The following CFAP97D2 variants were observed in gnomAD, a reference collection of about 807,000 sequenced individuals.
CFAP97D2 encodes CFAP97 domain containing 2, also known as uncharacterized protein CFAP97D2.
rs146357513 is a variant in CFAP97D2, at chr13:114,211,685, G to T, written c.291-227G>T. Among the ~76,000 whole-genome samples the T allele has an allele frequency of 6.6e-6, 1 of 152,182 alleles. No homozygotes were observed. The highest frequency in any genetic ancestry group is 1.5e-5 in the Non-Finnish European group (1 of 68,038). ...TCACCCTGAAAACGCCCCTCCCGCC[G>T]TGCAAAGCGAGCGCGCCGGGGCTGA... On this transcript the variant is annotated intron_variant, in intron 3 of 4. Transcript: ENST00000646158. The surrounding 1 kb of genome is among the most constrained non-coding windows in gnomAD (Gnocchi z 4.2).
At chr13:114,217,354 C>G (rs1275468370) in intron 4 of CFAP97D2, among the ~76,000 whole-genome samples, 1 of 152,058 alleles carries the variant, frequency 6.6e-6, no homozygotes, top group Admixed American at 6.6e-5. Flanking sequence ...CTGAATACAC[C>G]AATAACAGGT....
In CFAP97D2 at chr13:114,182,223, C is replaced by G. The variant is rs990030030; in HGVS notation, c.90+2803C>G. 2.3e-4 allele frequency among the ~76,000 whole-genome samples: 35 copies of G among 150,428 alleles called. 1 individual carries two copies. The highest frequency in any genetic ancestry group is 1.6e-3 in the East Asian group (8 of 5,130). On this transcript the variant is annotated intron_variant, in intron 1 of 4. Transcript: ENST00000646158. ...TTAAGTTCAAGGGAAGGTACTATGCCTGGATGTGCACGTAGGCCAGATTTA... is the reference window on the plus strand; with the variant it reads ...TTAAGTTCAAGGGAAGGTACTATGCGTGGATGTGCACGTAGGCCAGATTTA...
At chr13:114,198,657 A>T (rs1333917266) in intron 2 of CFAP97D2, among the ~76,000 whole-genome samples, 1 of 136,658 alleles carries the variant, frequency 7.3e-6, no homozygotes, top group South Asian at 2.3e-4. Context: ...CCCCGTGTTT[A>T]CGGTCCCCGC....
chr13:114,184,192 A>C (rs949755990), intron 1 of CFAP97D2, among the ~76,000 whole-genome samples: 2 of 152,248 alleles, frequency 1.3e-5, no homozygotes, highest in Non-Finnish European at 2.9e-5. Flanking sequence ...CAAACTAAAA[A>C]GCAAAGAGAA....
rs114896965 is a variant in CFAP97D2 at position 114,180,359 on chromosome 13, G to A, written c.90+939G>A. Among the ~76,000 whole-genome samples, 1,210 of 152,230 alleles carry A rather than the reference G, an allele frequency of 7.9e-3. 13 individuals are homozygous for A. Among genetic ancestry groups the A allele is most frequent in the African/African-American group, 0.027 (1,130 of 41,534 alleles). On this transcript the variant is annotated intron_variant, in intron 1 of 4. Transcript: ENST00000646158. ...GCCTGGGCTGCAGGTCACACTCATT[G>A]CAAGGCGCCATAGCACCCAGCCCCC...
chr13:114,180,223 G>A (rs559869673), intron 1 of CFAP97D2, among the ~76,000 whole-genome samples: 3 of 152,214 alleles, frequency 2.0e-5, no homozygotes, highest in African/African-American at 7.2e-5. Context: ...TTGGGTTTCT[G>A]TTTCTGGGAA....
chr13:114,196,640 T>G (rs1024450985), intron 2 of CFAP97D2, among the ~76,000 whole-genome samples, 164 bp downstream of exon 2: 12 of 152,190 alleles, frequency 7.9e-5, no homozygotes, highest in Non-Finnish European at 1.2e-4. Flanking sequence ...AGGGAGCTGG[T>G]TGATAATTGG....
In CFAP97D2 at chr13:114,203,936, C is replaced by T. The variant is rs2080929005; in HGVS notation, c.290+3493C>T. Among the ~76,000 whole-genome samples, 1 of 152,120 alleles carries T rather than the reference C, an allele frequency of 6.6e-6. No individual in the cohort carries two copies. The highest frequency in any genetic ancestry group is 2.1e-4 in the South Asian group (1 of 4,822). On this transcript the variant is annotated intron_variant, in intron 3 of 4. Transcript: ENST00000646158. The surrounding 1 kb of genome is among the most constrained non-coding windows in gnomAD (Gnocchi z 4.3). Reference sequence around the variant, plus strand: ...AGCCAACTTCTCTGTAGAAATTGACCCACTGGTTCTAAAATTTGATGGATT... The same window carrying T: ...AGCCAACTTCTCTGTAGAAATTGACTCACTGGTTCTAAAATTTGATGGATT...
At chr13:114,198,218 C>G (rs137910446) in intron 2 of CFAP97D2, among the ~76,000 whole-genome samples, 1 of 152,158 alleles carries the variant, frequency 6.6e-6, no homozygotes, top group Non-Finnish European at 1.5e-5. Flanking sequence ...ATCTCCTGAC[C>G]TCGTGAAGTT....
intron 1 of CFAP97D2, among the ~76,000 whole-genome samples, chr13:114,196,193 G>T (rs530911151): frequency 6.6e-6 from 1 of 151,990 alleles, no homozygotes; most frequent in Non-Finnish European, 1.5e-5. Flanking sequence ...TTTTAAAAGG[G>T]CAATAGAGGC....
intron 3 of CFAP97D2, among the ~76,000 whole-genome samples, chr13:114,205,987 T>C (rs2080938152): frequency 6.6e-6 from 1 of 152,150 alleles, no homozygotes; most frequent in Non-Finnish European, 1.5e-5. Context: ...CCTGTGTGCC[T>C]GGCTGCAGCC....
chr13:114,197,140 A>T (rs2080891957), intron 2 of CFAP97D2, among the ~76,000 whole-genome samples: 1 of 152,184 alleles, frequency 6.6e-6, no homozygotes, highest in Admixed American at 6.5e-5. Flanking sequence ...AGACTAAGTA[A>T]ATTCTCTCCT....
intron 3 of CFAP97D2, among the ~76,000 whole-genome samples, chr13:114,202,144 C>T (rs959726456): frequency 4.6e-5 from 7 of 152,208 alleles, no homozygotes; most frequent in African/African-American, 1.7e-4. Context: ...GTTAGCATAA[C>T]GTTGAGTAGT....
In CFAP97D2 at chr13:114,222,007, T is replaced by G. The variant is rs891390141; in HGVS notation, c.481-491T>G. On this transcript the variant is annotated intron_variant, in intron 4 of 4. Coordinates refer to ENST00000646158, the Ensembl canonical transcript of CFAP97D2. The surrounding 1 kb of genome is among the most constrained non-coding windows in gnomAD (Gnocchi z 4.4). ...GATAAAACGTGGTATAGCCATAGAATGGAATATTATTCTACCATAAAAAGG... is the reference window on the plus strand; with the variant it reads ...GATAAAACGTGGTATAGCCATAGAAGGGAATATTATTCTACCATAAAAAGG... Among the ~76,000 whole-genome samples the G allele has an allele frequency of 1.2e-4, 18 of 152,256 alleles. No individual in the cohort carries two copies.
Position 114,189,789 on chromosome 13 carries a change from T to C in CFAP97D2, c.91-6607T>C, listed in dbSNP as rs1349256833. 6.6e-6 allele frequency among the ~76,000 whole-genome samples: 1 copy of C among 152,040 alleles called. No homozygotes were observed. The highest frequency in any genetic ancestry group is 1.5e-5 in the Non-Finnish European group (1 of 67,992). The stretch of plus-strand genomic sequence containing the variant: ...CAACATTCATTCATGATTTTTAAAA[T>C]CCCAATAAACCAAGAATAAAGGAAA... On this transcript the variant is annotated intron_variant, in intron 1 of 4. Coordinates refer to ENST00000646158, the Ensembl canonical transcript of CFAP97D2. The surrounding 1 kb of genome is among the most constrained non-coding windows in gnomAD (Gnocchi z 4.5).
intron 4 of CFAP97D2, among the ~76,000 whole-genome samples, chr13:114,220,284 C>T (rs1566617996): frequency 1.3e-5 from 2 of 152,048 alleles, no homozygotes; most frequent in African/African-American, 4.8e-5. Context: ...ATGGATGGGA[C>T]ACATCACTTT....
intron 3 of CFAP97D2, among the ~76,000 whole-genome samples, chr13:114,202,837 T>C (rs1389399807): frequency 6.6e-6 from 1 of 152,144 alleles, no homozygotes; most frequent in African/African-American, 2.4e-5. Flanking sequence ...GTCTGGTTCA[T>C]AGGCATTGGT....
At chr13:114,197,051 C>T (rs2080891513) in intron 2 of CFAP97D2, among the ~76,000 whole-genome samples, 1 of 152,124 alleles carries the variant, frequency 6.6e-6, no homozygotes, top group South Asian at 2.1e-4. Context: ...AAATTCTTAT[C>T]ATGCAGATGA....
At chr13:114,218,221 A>G (rs2081004477) in intron 4 of CFAP97D2, among the ~76,000 whole-genome samples, 1 of 152,238 alleles carries the variant, frequency 6.6e-6, no homozygotes, top group Non-Finnish European at 1.5e-5. Context: ...AAGCATTCTT[A>G]TGCACCAATA....
Sources: gnomAD v4.1 joint callset for allele counts (sites outside exome capture counted in the v4.1 genomes callset) on GRCh38, gnomAD v4.1.1 for gene constraint, Gnocchi (gnomAD v3.1) non-coding constraint, MANE v1.5 for transcripts, NCBI Gene and HGNC (gene_info 2026-07-23, HGNC 2026-07-21) for gene names.